The following ARHGAP15 variants were observed in gnomAD, a reference collection of about 807,000 sequenced individuals.
The protein encoded by ARHGAP15 is rho GTPase-activating protein 15.
ARHGAP15 carries 51 observed loss-of-function variants against 63.7 expected under a neutral mutation model. The ratio of observed to expected loss-of-function variants is 0.80; its 90% CI spans 0.64 to 1.01. The LOEUF (loss-of-function observed/expected upper bound fraction) is 1.01, where lower values mean the gene tolerates loss of function less well. ARHGAP15 is among the 50% of genes least tolerant of loss of function. The probability of loss-of-function intolerance (pLI) is 0.00; values close to 1 mark genes in which losing one functional copy is unlikely to be tolerated. For missense variants in ARHGAP15, 560 were observed against 564.6 expected, an observed-to-expected ratio of 0.99 and a Z score of 0.08; for synonymous variants, 191 against 193.8, an observed-to-expected ratio of 0.99 and a Z score of 0.12.
chr2:143,560,815 T>G (rs1695989935), intron 11 of ARHGAP15, among the ~76,000 whole-genome samples: 1 of 152,240 alleles, frequency 6.6e-6, no homozygotes, highest in Non-Finnish European at 1.5e-5. Flanking sequence ...GCTATTCTGT[T>G]GCAGCCTTTG....
intron 10 of ARHGAP15, among the ~76,000 whole-genome samples, chr2:143,554,573 A>G (rs1695708329): frequency 1.3e-5 from 2 of 152,142 alleles, no homozygotes; most frequent in Admixed American, 1.3e-4. Context: ...TTTTAAATCT[A>G]TCACGTTATT....
At chr2:143,335,890 T>C (rs1423672464) in intron 6 of ARHGAP15, among the ~76,000 whole-genome samples, 1 of 152,120 alleles carries the variant, frequency 6.6e-6, no homozygotes, top group Non-Finnish European at 1.5e-5. Context: ...GGCACAGGTG[T>C]GGAGAAAATC....
chr2:143,540,048 A>G (rs1694972603), intron 10 of ARHGAP15, among the ~76,000 whole-genome samples: 1 of 152,142 alleles, frequency 6.6e-6, no homozygotes, highest in Admixed American at 6.5e-5. Flanking sequence ...GACTTGCTTT[A>G]TGAATCTGGA....
intron 6 of ARHGAP15, among the ~76,000 whole-genome samples, chr2:143,378,441 A>C (rs1356458485): frequency 1.3e-5 from 2 of 152,054 alleles, no homozygotes; most frequent in Non-Finnish European, 2.9e-5. Flanking sequence ...TTATCTATCC[A>C]AAATAGTAAT....
At chr2:143,183,441 ACAAT>A (rs776850328) in intron 2 of ARHGAP15, among the ~76,000 whole-genome samples, 2 of 152,234 alleles carry the variant, frequency 1.3e-5, no homozygotes, top group Non-Finnish European at 2.9e-5. Flanking sequence ...AGTGGGAACA[ACAAT>A]CAATCAGGAA....
chr2:143,174,329 A>C (rs1690922703), intron 2 of ARHGAP15, among the ~76,000 whole-genome samples: 1 of 152,178 alleles, frequency 6.6e-6, no homozygotes, highest in Non-Finnish European at 1.5e-5. Flanking sequence ...GAGCAGCTTA[A>C]TAGTCACAAA....
intron 8 of ARHGAP15, among the ~76,000 whole-genome samples, chr2:143,457,166 G>A (rs1446849246): frequency 6.6e-6 from 1 of 152,082 alleles, no homozygotes. Context: ...TCATTTAACA[G>A]ATTCTGTTCA....
chr2:143,235,937 TGA>T, intron 5 of ARHGAP15: 1 of 1,545,336 alleles, frequency 6.5e-7, no homozygotes, highest in Non-Finnish European at 8.7e-7. Flanking sequence ...CTGTACTTTG[TGA>T]TTTTAGAGCT....
At chr2:143,754,351 T>C (rs572797493) in intron 13 of ARHGAP15, among the ~76,000 whole-genome samples, 3 of 152,202 alleles carry the variant, frequency 2.0e-5, no homozygotes, top group Non-Finnish European at 4.4e-5. Context: ...TAAAGCAGAT[T>C]AGCAGCAGAG....
At chr2:143,260,671 C>T (rs1183423109) in intron 6 of ARHGAP15, among the ~76,000 whole-genome samples, 2 of 152,094 alleles carry the variant, frequency 1.3e-5, no homozygotes, top group Non-Finnish European at 2.9e-5. Context: ...GAAAGTAAGA[C>T]TTTTGGGTTT....
At chr2:143,320,905 A>G (rs1266115709) in intron 6 of ARHGAP15, among the ~76,000 whole-genome samples, 4 of 152,054 alleles carry the variant, frequency 2.6e-5, no homozygotes, top group African/African-American at 9.7e-5. Context: ...CAACAGATGT[A>G]CCTGGTGAGA....
At chr2:143,693,196 A>AAAC (rs1449319452) in intron 12 of ARHGAP15, among the ~76,000 whole-genome samples, 1 of 152,224 alleles carries the variant, frequency 6.6e-6, no homozygotes, top group African/African-American at 2.4e-5. Flanking sequence ...AAGCAATATT[A>AAAC]AACACCACAT....
chr2:143,242,197 A>G (rs1693887547), intron 5 of ARHGAP15, among the ~76,000 whole-genome samples: 1 of 152,196 alleles, frequency 6.6e-6, no homozygotes, highest in Admixed American at 6.5e-5. Context: ...AAGGAGCCAA[A>G]GGCCCTTCTA....
At chr2:143,159,437 C>A (rs1038344249) in intron 2 of ARHGAP15, among the ~76,000 whole-genome samples, 1 of 151,852 alleles carries the variant, frequency 6.6e-6, no homozygotes, top group African/African-American at 2.4e-5. Flanking sequence ...TACTTCAAAT[C>A]AAGCTTATAG....
intron 1 of ARHGAP15, among the ~76,000 whole-genome samples, chr2:143,143,834 G>C (rs1326708920): frequency 6.6e-6 from 1 of 151,812 alleles, no homozygotes; most frequent in Non-Finnish European, 1.5e-5. Flanking sequence ...GTGTCATGGG[G>C]GTTTGTTGTA....
At chr2:143,621,364 A>C (rs1346003787) in intron 11 of ARHGAP15, among the ~76,000 whole-genome samples, 2 of 145,986 alleles carry the variant, frequency 1.4e-5, no homozygotes, top group Non-Finnish European at 3.1e-5. Context: ...GCCTGTTAAC[A>C]CCAGGGTAGG....
intron 1 of ARHGAP15, among the ~76,000 whole-genome samples, chr2:143,153,552 T>G (rs985810661): frequency 6.6e-6 from 1 of 151,964 alleles, no homozygotes; most frequent in African/African-American, 2.4e-5. Context: ...AATCATAAAG[T>G]GCAAGTGTTT....
At position 143,352,629 on chromosome 2, in the gene ARHGAP15, T is replaced by A. The variant is rs562290361; in HGVS notation, c.475-82972T>A. Among the ~76,000 whole-genome samples, 3 of 152,318 alleles carry A rather than the reference T, an allele frequency of 2.0e-5. No homozygotes were observed. In the South Asian group the frequency reaches 6.2e-4, roughly 32 times the overall value. On this transcript the variant is annotated intron_variant, in intron 6 of 13. Transcript: ENST00000295095. ...AAATTAACATCAAGGCTGTGAGAAG[T>A]CCTGAATAAAAATATTTCTTTGCTT...
chr2:143,759,916 T>G (rs936461755), intron 13 of ARHGAP15, among the ~76,000 whole-genome samples: 48 of 152,150 alleles, frequency 3.2e-4, no homozygotes, highest in Non-Finnish European at 6.3e-4. Flanking sequence ...GCCATCAGGG[T>G]TTTTTTAAAG....
Sources: gnomAD v4.1 joint callset for allele counts (sites outside exome capture counted in the v4.1 genomes callset) on GRCh38, gnomAD v4.1.1 for gene constraint, MANE v1.5 for transcripts, NCBI Gene and HGNC (gene_info 2026-07-23, HGNC 2026-07-21) for gene names.